Variants in DNAH14 observed in about 807,000 individuals in gnomAD.
The protein encoded by DNAH14 is axonemal beta dynein heavy chain 14.
Under a neutral mutation model 520.9 loss-of-function variants are expected in DNAH14, and 478 were observed. The ratio of observed to expected loss-of-function variants is 0.92; its 90% CI spans 0.85 to 0.99. The LOEUF is 0.99. DNAH14 is among the 50% of genes least tolerant of loss of function. DNAH14 has a pLI of 0.00. For synonymous variants in DNAH14, 1,581 were observed against 1,757.2 expected (o/e 0.90, Z 2.51); for missense variants, 4,831 against 5,234.5 (o/e 0.92, Z 2.38).
intron 36 of DNAH14, among the ~76,000 whole-genome samples, chr1:225,179,518 C>A (rs184702945): frequency 1.8e-4 from 28 of 152,310 alleles, no homozygotes; most frequent in African/African-American, 6.7e-4. Flanking sequence ...CCATCTTCCC[C>A]ACCTTCCAAC....
intron 7 of DNAH14, chr1:224,969,772 G>A (rs187851593): frequency 1.4e-4 from 24 of 167,700 alleles, no homozygotes; most frequent in Admixed American, 5.1e-4. Flanking sequence ...TGCAGTCTCC[G>A]AACATAAATT....
rs79848250 is a variant in DNAH14 at position 225,250,588 on chromosome 1, C to T, written c.6749-1713C>T. 939 of 441,880 alleles carry T rather than the reference C, an allele frequency of 2.1e-3. 8 individuals carry two copies. Among genetic ancestry groups the T allele is most frequent in the African/African-American group, 0.017 (839 of 49,038 alleles). The allele number at this position is 441,880 out of a possible 1,614,324, so 27.4% of individuals were successfully genotyped here. On this transcript the variant is annotated intron_variant, in intron 43 of 85. Coordinates refer to ENST00000682510, the MANE Select transcript of DNAH14 (RefSeq NM_001367479.1). ...CAGATGAAGAAAAGGGAACTGGAAA[C>T]GGTTTTACAGTTTTGTTATACTCAC...
chr1:225,127,394 G>A (rs2077850420), intron 27 of DNAH14, among the ~76,000 whole-genome samples: 1 of 151,904 alleles, frequency 6.6e-6, no homozygotes, highest in Non-Finnish European at 1.5e-5. Context: ...GGGTGCTCCT[G>A]TATTGGGTGC....
intron 1 of DNAH14, among the ~76,000 whole-genome samples, chr1:224,951,833 A>G (rs2060197531): frequency 6.6e-6 from 1 of 151,780 alleles, no homozygotes; most frequent in South Asian, 2.1e-4. Context: ...TTGTATTTTT[A>G]GTAGAGACGG....
intron 1 of DNAH14, among the ~76,000 whole-genome samples, chr1:224,939,895 G>A (rs2059299552): frequency 6.6e-6 from 1 of 152,138 alleles, no homozygotes; most frequent in Non-Finnish European, 1.5e-5. Context: ...AATCATGGAG[G>A]TGGATGAATC....
At chr1:224,976,319 A>G (rs1305830435) in intron 8 of DNAH14, among the ~76,000 whole-genome samples, 1 of 152,122 alleles carries the variant, frequency 6.6e-6, no homozygotes, top group African/African-American at 2.4e-5. Flanking sequence ...TAATGTTGAC[A>G]GTGGGGTGTT....
chr1:225,104,539 A>G (rs891126951), intron 23 of DNAH14, among the ~76,000 whole-genome samples: 50 of 152,038 alleles, frequency 3.3e-4, no homozygotes, highest in Non-Finnish European at 6.8e-4. Context: ...TTGGTAAGCT[A>G]TTAATTATTG....
At chr1:225,181,904 A>G (rs561759059) in intron 36 of DNAH14, among the ~76,000 whole-genome samples, 27 of 152,192 alleles carry the variant, frequency 1.8e-4, no homozygotes, top group Admixed American at 3.9e-4. Context: ...AGAATAAATC[A>G]GGCTGGGTGC....
chr1:224,936,049 T>C (rs2059011891), intron 1 of DNAH14, among the ~76,000 whole-genome samples: 1 of 151,702 alleles, frequency 6.6e-6, no homozygotes, highest in Non-Finnish European at 1.5e-5. Flanking sequence ...CCCAAACCTG[T>C]GGAATATATC....
intron 1 of DNAH14, among the ~76,000 whole-genome samples, chr1:224,945,851 G>T (rs202042182): frequency 6.6e-6 from 1 of 152,282 alleles, no homozygotes; most frequent in African/African-American, 2.4e-5. Context: ...TCCTCTGGAA[G>T]TTTTGTCTCA....
intron 17 of DNAH14, among the ~76,000 whole-genome samples, chr1:225,065,478 T>A (rs1428269403): frequency 2.0e-5 from 3 of 151,262 alleles, no homozygotes; most frequent in Non-Finnish European, 4.4e-5. Context: ...ATCTTACTCC[T>A]CCCATCTGAG....
rs115523119 is a variant in DNAH14 at position 225,224,498 on chromosome 1, G to T, written c.6440-6575G>T. Reference sequence around the variant, plus strand: ...CCACAGATGATGCAGTCAGTTGCTAGGTTATGACCCTGATGTCATCAGAAT... The same window carrying T: ...CCACAGATGATGCAGTCAGTTGCTATGTTATGACCCTGATGTCATCAGAAT... On this transcript the variant is annotated intron_variant, in intron 41 of 85. Coordinates refer to ENST00000682510, the MANE Select transcript of DNAH14 (RefSeq NM_001367479.1). 5.1e-3 allele frequency among the ~76,000 whole-genome samples: 759 copies of T among 149,672 alleles called. 6 individuals carry two copies. The highest frequency in any genetic ancestry group is 0.018 in the African/African-American group (716 of 40,222).
At chr1:225,315,942 C>G (rs1415888538) in intron 60 of DNAH14, among the ~76,000 whole-genome samples, 1 of 152,226 alleles carries the variant, frequency 6.6e-6, no homozygotes, top group East Asian at 1.9e-4. Flanking sequence ...CTTTGCAGAG[C>G]TGCGGCCACA....
chr1:225,205,471 A>G (rs1484180948), intron 39 of DNAH14, among the ~76,000 whole-genome samples: 1 of 152,192 alleles, frequency 6.6e-6, no homozygotes, highest in African/African-American at 2.4e-5. Flanking sequence ...TTTATAAGCT[A>G]CCCAGTCTAA....
At chr1:225,087,781 G>C (rs1026333783) in intron 21 of DNAH14, among the ~76,000 whole-genome samples, 1 of 152,148 alleles carries the variant, frequency 6.6e-6, no homozygotes, top group African/African-American at 2.4e-5. Context: ...ATAGATTTGT[G>C]GCAGGCCCCT....
intron 1 of DNAH14, among the ~76,000 whole-genome samples, chr1:224,949,322 GTGTGTGTGCA>G (rs2060026471): frequency 6.6e-6 from 1 of 152,008 alleles, no homozygotes; most frequent in South Asian, 2.1e-4. Flanking sequence ...GTGTGTGTGC[GTGTGTGTGCA>G]TGTGTGTGTG....
At chr1:225,179,864 G>C (rs1361022778) in intron 36 of DNAH14, among the ~76,000 whole-genome samples, 6 of 152,014 alleles carry the variant, frequency 3.9e-5, no homozygotes, top group Non-Finnish European at 7.4e-5. Context: ...CATGTTAGAA[G>C]AGTGGGTTTT....
In DNAH14 at chr1:225,293,831, A is replaced by T. The variant is rs543734294; in HGVS notation, c.8469+3749A>T. Among the ~76,000 whole-genome samples, 394 of 151,712 alleles carry T rather than the reference A, an allele frequency of 2.6e-3. 2 individuals are homozygous for T. Among genetic ancestry groups the T allele is most frequent in the African/African-American group, 6.5e-3 (269 of 41,424 alleles). On this transcript the variant is annotated intron_variant, in intron 55 of 85. Coordinates refer to ENST00000682510, the MANE Select transcript of DNAH14 (RefSeq NM_001367479.1). ...AACTTAAAATAAAAGTTTTTTTTTT[A>T]AAAAAAGAGTTTTTTGGTAGTCTTT...
rs117679937 is a variant in DNAH14 at position 225,046,874 on chromosome 1, G to C, written c.1912+2891G>C. On this transcript the variant is annotated intron_variant, in intron 15 of 85. Coordinates refer to ENST00000682510, the MANE Select transcript of DNAH14 (RefSeq NM_001367479.1). ...AATTTTGGAAGAGTAATTCTCCCCA[G>C]TTGGCTCCTGTGCCCTTCAATATAC... Among the ~76,000 whole-genome samples the C allele has an allele frequency of 1.0e-3, 158 of 152,206 alleles. 5 individuals carry two copies. In the East Asian group the frequency reaches 0.029, roughly 28 times the overall value.
Sources: gnomAD v4.1 joint callset for allele counts (sites outside exome capture counted in the v4.1 genomes callset) on GRCh38, gnomAD v4.1.1 for gene constraint, MANE v1.5 for transcripts, NCBI Gene and HGNC (gene_info 2026-07-23, HGNC 2026-07-21) for gene names.